PTPN4: variants seen among roughly 807,000 people sequenced by gnomAD.
PTPN4 encodes the protein protein tyrosine phosphatase non-receptor type 4.
A neutral mutation model predicts 135.5 loss-of-function variants in PTPN4; 49 were observed. The observed-to-expected ratio is 0.36, with a 90% confidence interval of 0.29 to 0.46. PTPN4 has a LOEUF of 0.46. PTPN4 is among the 20% of genes least tolerant of loss of function. The pLI, the probability that PTPN4 is intolerant of heterozygous loss-of-function variation, is 1.00. For synonymous variants in PTPN4, 333 were observed against 369.9 expected, an observed-to-expected ratio of 0.90 and a Z score of 1.14; for missense variants, 860 against 1,101.0, an observed-to-expected ratio of 0.78 and a Z score of 3.10.
At chr2:119,908,578 GTC>G (rs1238163672) in intron 10 of PTPN4, among the ~76,000 whole-genome samples, 1 of 152,026 alleles carries the variant, frequency 6.6e-6, no homozygotes, top group African/African-American at 2.4e-5. Flanking sequence ...GGCCGTTTCT[GTC>G]TCTCTTCCTC....
At chr2:119,772,174 G>A (rs1217589357) in intron 1 of PTPN4, among the ~76,000 whole-genome samples, 1 of 152,190 alleles carries the variant, frequency 6.6e-6, no homozygotes, top group Non-Finnish European at 1.5e-5. Context: ...ACTGTTTCCA[G>A]CCTAGCACAA....
intron 10 of PTPN4, among the ~76,000 whole-genome samples, chr2:119,914,273 T>TTTTTTTTTTTTTTTTTTTTTTTTTTTTC (rs1678617443): frequency 7.8e-6 from 1 of 127,732 alleles, no homozygotes; most frequent in African/African-American, 2.7e-5. Flanking sequence ...TTTTTTTTTT[T>TTTTTTTTTTTTTTTTTTTTTTTTTTTTC]TTTGCTTCTG....
chr2:119,885,281 TG>T (rs1246837566), intron 8 of PTPN4, among the ~76,000 whole-genome samples: 6 of 152,204 alleles, frequency 3.9e-5, no homozygotes, highest in Admixed American at 3.9e-4. Flanking sequence ...TTTTTTGTTT[TG>T]TTTTTTTGCT....
intron 9 of PTPN4, among the ~76,000 whole-genome samples, chr2:119,890,721 G>C (rs1274244676): frequency 6.6e-6 from 1 of 152,018 alleles, no homozygotes; most frequent in Non-Finnish European, 1.5e-5. Flanking sequence ...GATGGTAAAT[G>C]TCATCATTTT....
intron 13 of PTPN4, among the ~76,000 whole-genome samples, chr2:119,930,836 T>C (rs1678894737): frequency 6.6e-6 from 1 of 151,920 alleles, no homozygotes; most frequent in Admixed American, 6.6e-5. Flanking sequence ...ATTGTTTTTT[T>C]TTTTTTAGCC....
intron 2 of PTPN4, among the ~76,000 whole-genome samples, chr2:119,856,762 T>A (rs1031998718): frequency 6.6e-6 from 1 of 152,188 alleles, no homozygotes; most frequent in African/African-American, 2.4e-5. Flanking sequence ...GTAACTGTTA[T>A]TCATACTAGG....
intron 3 of PTPN4, 137 bp downstream of exon 3, chr2:119,862,780 G>A: frequency 1.7e-6 from 1 of 571,660 alleles, no homozygotes; most frequent in Non-Finnish European, 2.9e-6. Context: ...TAATTCTTTT[G>A]CTTTTGTTCC....
intron 2 of PTPN4, among the ~76,000 whole-genome samples, chr2:119,858,450 T>C (rs1425863043): frequency 1.3e-5 from 2 of 152,230 alleles, no homozygotes; most frequent in Non-Finnish European, 2.9e-5. Flanking sequence ...TGAATCTGTA[T>C]TTTTGTTTTT....
chr2:119,760,733 C>CTTTTTTTTTTTTTTT (rs59953430), intron 1 of PTPN4, among the ~76,000 whole-genome samples: 8 of 79,908 alleles, frequency 1.0e-4, no homozygotes, highest in East Asian at 4.2e-4. Context: ...GGTAGAATTC[C>CTTTTTTTTTTTTTTT]TTTTTTTTTT....
intron 9 of PTPN4, among the ~76,000 whole-genome samples, chr2:119,890,359 A>G (rs920466904): frequency 2.0e-5 from 3 of 150,850 alleles, no homozygotes; most frequent in African/African-American, 7.4e-5. Context: ...TTTCATTTGT[A>G]TGGAGTATTT....
At chr2:119,847,308 A>C (rs1677516727) in intron 2 of PTPN4, among the ~76,000 whole-genome samples, 1 of 103,450 alleles carries the variant, frequency 9.7e-6, no homozygotes, top group Non-Finnish European at 1.9e-5. Flanking sequence ...ACACACACAC[A>C]CACACACATA....
intron 1 of PTPN4, among the ~76,000 whole-genome samples, chr2:119,773,179 C>G (rs933665726): frequency 6.6e-6 from 1 of 151,838 alleles, no homozygotes; most frequent in Non-Finnish European, 1.5e-5. Flanking sequence ...AATAGTTTTT[C>G]TTACTAATTT....
chr2:119,944,968 T>C, intron 15 of PTPN4, 113 bp from the exon 16 acceptor site: 3 of 901,472 alleles, frequency 3.3e-6, no homozygotes, highest in South Asian at 2.6e-5. Context: ...CACTTCCAAA[T>C]AAATATGGTA....
chr2:119,898,238 A>G (rs931499354), intron 9 of PTPN4, among the ~76,000 whole-genome samples: 26 of 152,352 alleles, frequency 1.7e-4, no homozygotes, highest in African/African-American at 4.6e-4. Context: ...ATGTGGGCTA[A>G]TAAAATTTTT....
At chr2:119,849,916 C>G (rs186120383) in intron 2 of PTPN4, among the ~76,000 whole-genome samples, 1 of 152,322 alleles carries the variant, frequency 6.6e-6, no homozygotes, top group African/African-American at 2.4e-5. Context: ...ATAAATAGAG[C>G]ATAAATTGTT....
intron 2 of PTPN4, among the ~76,000 whole-genome samples, chr2:119,853,201 T>G (rs1274620554): frequency 1.3e-5 from 2 of 152,236 alleles, no homozygotes; most frequent in Non-Finnish European, 2.9e-5. Context: ...CTTTGCTGAT[T>G]AATCTAGCAA....
intron 8 of PTPN4, among the ~76,000 whole-genome samples, chr2:119,883,924 G>A (rs914809215): frequency 2.6e-5 from 4 of 152,296 alleles, no homozygotes; most frequent in South Asian, 4.1e-4. Flanking sequence ...CATTGAAACG[G>A]AGTCTCGCTC....
At position 119,962,540 on chromosome 2, in the gene PTPN4, A is replaced by C. The variant is rs536064344; in HGVS notation, c.2281-76A>C. ...TTTATATGTTTGAAATTTATTAAAA[A>C]AACATTTTTAAAAATTGGAGAACAT... On this transcript the variant is annotated intron_variant, in intron 23 of 26. Transcript: ENST00000263708. The C allele has an allele frequency of 1.3e-5, 12 of 916,586 alleles. No individual in the cohort carries two copies. The South Asian group carries it at 5.6e-4, about 43-fold the overall frequency. 56.8% of individuals were successfully genotyped at this position (916,586 alleles called of 1,614,324 possible).
chr2:119,882,461 A>T, intron 7 of PTPN4, 42 bp from the exon 8 acceptor site: 1 of 1,442,428 alleles, frequency 6.9e-7, no homozygotes, highest in Non-Finnish European at 9.3e-7. Context: ...ATAATTTAAA[A>T]ATTTGTTTAT....
Sources: allele counts gnomAD v4.1 joint callset (sites outside exome capture counted in the v4.1 genomes callset), GRCh38; gene constraint gnomAD v4.1.1; transcripts MANE v1.5; gene names NCBI Gene and HGNC (gene_info 2026-07-23, HGNC 2026-07-21).